EIF4ENIF1: variants seen among roughly 807,000 people sequenced by gnomAD.
EIF4ENIF1 encodes eukaryotic translation initiation factor 4E nuclear import factor 1.
Under a neutral mutation model 110.5 loss-of-function variants are expected in EIF4ENIF1, and 23 were observed. The ratio of observed to expected loss-of-function variants is 0.21; its 90% CI spans 0.15 to 0.29. EIF4ENIF1 has a LOEUF of 0.29. Ranked by LOEUF, EIF4ENIF1 falls within the 10% of genes least tolerant of loss-of-function variation. The pLI, the probability that EIF4ENIF1 is intolerant of heterozygous loss-of-function variation, is 1.00. For missense variants in EIF4ENIF1, 1,031 were observed against 1,221.1 expected (o/e 0.84, Z 2.32); for synonymous variants, 440 against 437.0 (o/e 1.01, Z -0.09).
At chr22:31,457,487 T>C (rs2145962197) in intron 7 of EIF4ENIF1, among the ~76,000 whole-genome samples, 1 of 152,292 alleles carries the variant, frequency 6.6e-6, no homozygotes, top group Non-Finnish European at 1.5e-5. Context: ...AAATAAGTCA[T>C]ATACTTTCAC....
chr22:31,444,534 A>C, intron 15 of EIF4ENIF1, 72 bp downstream of exon 15: 1 of 1,425,472 alleles, frequency 7.0e-7, no homozygotes, highest in Non-Finnish European at 9.9e-7. Context: ...TAGGGCACAC[A>C]GTGGTACAAT....
intron 16 of EIF4ENIF1, 71 bp from the exon 17 acceptor site, chr22:31,442,189 T>C (rs1296985489): frequency 2.6e-6 from 3 of 1,175,538 alleles, no homozygotes; most frequent in Non-Finnish European, 3.7e-6. Flanking sequence ...ACTGGTCTAA[T>C]AAATCTCATT....
rs778895792 is a variant in EIF4ENIF1 at position 31,488,723 on chromosome 22, C to A, written c.-5G>T. ...ACCCATACTTCTCCTATCCATGGCT[C>A]CTTGGTCTACAATGCTCTGCACCTG... is the stretch of plus-strand genomic sequence containing the variant. On this transcript the variant is annotated 5_prime_UTR_variant, in exon 2 of 19. Coordinates refer to ENST00000330125, the MANE Select transcript of EIF4ENIF1 (RefSeq NM_019843.4). 1 of 1,613,934 alleles carries A rather than the reference C, an allele frequency of 6.2e-7. No homozygotes were observed. The highest frequency in any genetic ancestry group is 8.5e-7 in the Non-Finnish European group (1 of 1,179,942).
chr22:31,465,815 A>G (rs1271635195), intron 4 of EIF4ENIF1, among the ~76,000 whole-genome samples: 1 of 152,230 alleles, frequency 6.6e-6, no homozygotes, highest in Non-Finnish European at 1.5e-5. Context: ...AATCCATACA[A>G]TGGAATACTA....
At chr22:31,487,769 G>A (rs1372409686) in intron 2 of EIF4ENIF1, among the ~76,000 whole-genome samples, 7 of 132,150 alleles carry the variant, frequency 5.3e-5, no homozygotes, top group African/African-American at 8.8e-5. Context: ...CAGCCTCGGC[G>A]ACAAAGTGAC....
chr22:31,454,060 C>T, intron 10 of EIF4ENIF1, 84 bp downstream of exon 10: 1 of 1,279,360 alleles, frequency 7.8e-7, no homozygotes. Context: ...ACTCAGAATA[C>T]CTTTTTAAAA....
upstream of EIF4ENIF1, among the ~76,000 whole-genome samples, chr22:31,493,193 G>A (rs932203673): frequency 1.3e-5 from 2 of 151,946 alleles, no homozygotes; most frequent in African/African-American, 2.4e-5. Flanking sequence ...ACCACGCCCG[G>A]CTAAATTTTT....
At chr22:31,476,683 T>G (rs1361219876) in intron 2 of EIF4ENIF1, among the ~76,000 whole-genome samples, 3 of 151,976 alleles carry the variant, frequency 2.0e-5, no homozygotes, top group Middle Eastern at 3.4e-3. Context: ...TCACTTAAGA[T>G]CAGGAGTTCA....
intron 7 of EIF4ENIF1, among the ~76,000 whole-genome samples, chr22:31,456,320 T>C (rs1601590598): frequency 6.7e-6 from 1 of 149,906 alleles, no homozygotes; most frequent in African/African-American, 2.5e-5. Flanking sequence ...GCCTCCCGGG[T>C]TCACACCATT....
At chr22:31,454,091 A>C (rs1467884702) in intron 10 of EIF4ENIF1, 53 bp downstream of exon 10, 19 of 1,520,454 alleles carry the variant, frequency 1.2e-5, no homozygotes, top group Non-Finnish European at 1.7e-5. Context: ...TGTGGTGGGA[A>C]AAAGAAGAAA....
chr22:31,481,764 C>G (rs1378477857), intron 2 of EIF4ENIF1, among the ~76,000 whole-genome samples: 2 of 152,178 alleles, frequency 1.3e-5, no homozygotes, highest in African/African-American at 4.8e-5. Flanking sequence ...GCTGTACTGA[C>G]TGCTATGACC....
chr22:31,457,002 A>G (rs2050851717), intron 7 of EIF4ENIF1, among the ~76,000 whole-genome samples: 1 of 152,244 alleles, frequency 6.6e-6, no homozygotes, highest in African/African-American at 2.4e-5. Context: ...GATGAAAGAA[A>G]ACCATTGCTT....
intron 16 of EIF4ENIF1, among the ~76,000 whole-genome samples, chr22:31,442,523 A>AT (rs1383255073): frequency 3.3e-5 from 5 of 152,140 alleles, no homozygotes; most frequent in African/African-American, 1.2e-4. Flanking sequence ...TGGAATCCGC[A>AT]TGTTACCACG....
intron 5 of EIF4ENIF1, 128 bp from the exon 6 acceptor site, chr22:31,463,261 A>C (rs908757444): frequency 1.3e-4 from 103 of 812,534 alleles, no homozygotes; most frequent in Non-Finnish European, 1.8e-4. Context: ...GCCCATCACC[A>C]CCCCCACCCC....
Position 31,475,888 on chromosome 22 carries a change from G to A in EIF4ENIF1, c.97-3971C>T, listed in dbSNP as rs2051554016. Among the ~76,000 whole-genome samples the A allele has an allele frequency of 3.3e-5, 5 of 151,472 alleles. 1 individual carries two copies. The South Asian group carries it at 1.0e-3, about 31-fold the overall frequency. ...GAAAAAAACAAAACACACCACGGGA[G>A]ACTCCAGAGAAATCTTCAGGGCAAA... On this transcript the variant is annotated intron_variant, in intron 2 of 18. Coordinates refer to ENST00000330125, the MANE Select transcript of EIF4ENIF1 (RefSeq NM_019843.4).
At chr22:31,485,238 T>C (rs976845648) in intron 2 of EIF4ENIF1, among the ~76,000 whole-genome samples, 3 of 152,202 alleles carry the variant, frequency 2.0e-5, no homozygotes, top group Non-Finnish European at 4.4e-5. Context: ...TCCACTGTCA[T>C]TAAGCTAAAA....
At chr22:31,474,563 C>T (rs1379617993) in intron 2 of EIF4ENIF1, among the ~76,000 whole-genome samples, 1 of 150,956 alleles carries the variant, frequency 6.6e-6, no homozygotes, top group Non-Finnish European at 1.5e-5. Context: ...GCCCTGGAAT[C>T]AGCTATTTCT....
intron 6 of EIF4ENIF1, among the ~76,000 whole-genome samples, chr22:31,462,053 C>T (rs2051012552): frequency 1.3e-5 from 2 of 152,160 alleles, no homozygotes; most frequent in Non-Finnish European, 2.9e-5. Flanking sequence ...CATTTTTCTA[C>T]CACGTTTCTT....
intron 3 of EIF4ENIF1, among the ~76,000 whole-genome samples, chr22:31,468,930 T>C (rs1166078775): frequency 6.6e-6 from 1 of 152,154 alleles, no homozygotes; most frequent in Non-Finnish European, 1.5e-5. Context: ...GTTCCATAAA[T>C]ATTAACTGTT....
Sources: allele counts gnomAD v4.1 joint callset (sites outside exome capture counted in the v4.1 genomes callset), GRCh38; gene constraint gnomAD v4.1.1; transcripts MANE v1.5; gene names NCBI Gene and HGNC (gene_info 2026-07-23, HGNC 2026-07-21).